Variants in INPP5A observed in about 807,000 individuals in gnomAD.
INPP5A encodes inositol polyphosphate-5-phosphatase A.
INPP5A carries 14 observed loss-of-function variants against 65.2 expected under a neutral mutation model. The observed-to-expected ratio is 0.21, with a 90% confidence interval of 0.14 to 0.34. The LOEUF is 0.34. Ranked by LOEUF, INPP5A falls within the 10% of genes least tolerant of loss-of-function variation. The pLI is 1.00. For synonymous variants in INPP5A, 207 were observed against 208.3 expected (o/e 0.99, Z 0.05); for missense variants, 431 against 545.6 (o/e 0.79, Z 2.09).
chr10:132,736,889 C>T (rs1846186216), intron 9 of INPP5A, among the ~76,000 whole-genome samples: 1 of 152,260 alleles, frequency 6.6e-6, no homozygotes, highest in South Asian at 2.1e-4. Flanking sequence ...GTTGTGACCT[C>T]ATCTGGTTAC....
rs2072713329 is a variant in INPP5A at position 132,659,924 on chromosome 10, CAT to C, written c.306+9420_306+9421del. Among the ~76,000 whole-genome samples, 3 of 152,384 alleles carry C rather than the reference CAT, an allele frequency of 2.0e-5. No homozygotes were observed. The highest frequency in any genetic ancestry group is 1.9e-4 in the East Asian group (1 of 5,190). On this transcript the variant is annotated intron_variant, in intron 4 of 15. Coordinates refer to ENST00000368594, the MANE Select transcript of INPP5A (RefSeq NM_005539.5). This position sits in a 1 kb window ranked among gnomAD's most constrained non-coding sequence, Gnocchi z 5.5. ...GCAGCCTGCAGCTCCTGACACATGA[CAT>C]GTGACATACAACACATGACACGCGG...
At chr10:132,723,602 T>TTGTGGGGATTGGCCG (rs1229456185) in intron 8 of INPP5A, among the ~76,000 whole-genome samples, 1 of 58,154 alleles carries the variant, frequency 1.7e-5, no homozygotes, top group Admixed American at 1.4e-4. Context: ...GGGATTGGTT[T>TTGTGGGGATTGGCCG]TGTGGGGATT....
chr10:132,577,768 G>T (rs1317590688), intron 1 of INPP5A, among the ~76,000 whole-genome samples: 1 of 152,214 alleles, frequency 6.6e-6, no homozygotes, highest in Non-Finnish European at 1.5e-5. Flanking sequence ...GCGGTGGTTC[G>T]TGGCCTCCTA....
chr10:132,594,367 T>C (rs2819710), intron 1 of INPP5A, among the ~76,000 whole-genome samples: 37,475 of 152,198 alleles, frequency 0.25, 5,465 homozygotes, highest in East Asian at 0.5. Context: ...TGTCCATCAC[T>C]GCGGAACGTA....
In INPP5A at chr10:132,546,072, C is replaced by A. The variant is rs969664862; in HGVS notation, c.75+7901C>A. Among the ~76,000 whole-genome samples, 1 of 152,194 alleles carries A rather than the reference C, an allele frequency of 6.6e-6. No individual in the cohort carries two copies. Among genetic ancestry groups the A allele is most frequent in the Non-Finnish European group, 1.5e-5 (1 of 68,018 alleles). On this transcript the variant is annotated intron_variant, in intron 1 of 15. Coordinates refer to ENST00000368594, the MANE Select transcript of INPP5A (RefSeq NM_005539.5). The surrounding 1 kb of genome is among the most constrained non-coding windows in gnomAD (Gnocchi z 5.7). ...GTTGTGTTGGGATGAGTGGCCGAGG[C>A]GTCTGGGGACGTCCTGGAGCCTGCA...
At chr10:132,781,757 T>C (rs1847165539) in intron 14 of INPP5A, 104 bp from the exon 15 acceptor site, 2 of 931,242 alleles carry the variant, frequency 2.1e-6, no homozygotes, top group South Asian at 2.7e-5. Context: ...GGTTCATGGC[T>C]GCCCTGGTGA....
chr10:132,770,754 C>T (rs888544264), intron 12 of INPP5A, among the ~76,000 whole-genome samples: 5 of 152,258 alleles, frequency 3.3e-5, no homozygotes, highest in African/African-American at 1.2e-4. Context: ...TACCCATGCA[C>T]GGGGAGGTCT....
chr10:132,769,130 G>A (rs1396167013), intron 12 of INPP5A, among the ~76,000 whole-genome samples: 1 of 152,240 alleles, frequency 6.6e-6, no homozygotes, highest in Admixed American at 6.5e-5. Flanking sequence ...GACCAGCGGG[G>A]TCTTCTCCTG....
In INPP5A at chr10:132,707,872, A is replaced by G. The variant is rs559313386; in HGVS notation, c.475-441A>G. ...GGTGGGGATCAGTGAGAGACCACACACACTGTTGGGGTGGGCAGGTCACCC... is the reference window on the plus strand; with the variant it reads ...GGTGGGGATCAGTGAGAGACCACACGCACTGTTGGGGTGGGCAGGTCACCC... On this transcript the variant is annotated intron_variant, in intron 6 of 15. Coordinates refer to ENST00000368594, the MANE Select transcript of INPP5A (RefSeq NM_005539.5). This position sits in a 1 kb window ranked among gnomAD's most constrained non-coding sequence, Gnocchi z 5.5. 6.6e-6 allele frequency among the ~76,000 whole-genome samples: 1 copy of G among 152,268 alleles called. No homozygotes were observed. The highest frequency in any genetic ancestry group is 2.4e-5 in the African/African-American group (1 of 41,552).
intron 1 of INPP5A, among the ~76,000 whole-genome samples, chr10:132,548,149 G>A (rs1340099980): frequency 1.3e-5 from 2 of 151,928 alleles, no homozygotes; most frequent in Non-Finnish European, 2.9e-5. Flanking sequence ...TGATCTGCCC[G>A]CATTATAGGT....
chr10:132,766,317 T>C (rs1221176856), intron 12 of INPP5A, among the ~76,000 whole-genome samples: 2 of 152,286 alleles, frequency 1.3e-5, no homozygotes, highest in Non-Finnish European at 2.9e-5. Flanking sequence ...AAAAAGGTTT[T>C]TTCCAATATG....
chr10:132,645,855 T>A lies in INPP5A; in HGVS notation c.118-13T>A. ...GCTCCGACGACCCTGACAGTGTGCT[T>A]CTCTCCCTCCAGGTCGTGCACACAC... On this transcript the variant is annotated splice_polypyrimidine_tract_variant and intron_variant, in intron 2 of 15. Coordinates refer to ENST00000368594, the MANE Select transcript of INPP5A (RefSeq NM_005539.5). 4 of 1,604,478 alleles carry A rather than the reference T, an allele frequency of 2.5e-6. No individual in the cohort carries two copies. The highest frequency in any genetic ancestry group is 3.4e-6 in the Non-Finnish European group (4 of 1,172,964).
At position 132,711,453 on chromosome 10, in the gene INPP5A, C is replaced by T. The variant is rs1199678129; in HGVS notation, c.647+997C>T. 2.0e-5 allele frequency among the ~76,000 whole-genome samples: 3 copies of T among 150,428 alleles called. No individual in the cohort carries two copies. In the Admixed American group the frequency reaches 2.0e-4, roughly 10 times the overall value. ...TCCCTGTGGTTGACAAGACAGTGCT[C>T]CGTCAGCTTGGGCTTGCAGCAGTGA... is the stretch of plus-strand genomic sequence containing the variant. On this transcript the variant is annotated intron_variant, in intron 8 of 15. Coordinates refer to ENST00000368594, the MANE Select transcript of INPP5A (RefSeq NM_005539.5).
intron 11 of INPP5A, among the ~76,000 whole-genome samples, chr10:132,759,880 TTGA>T (rs1194108045): frequency 6.6e-6 from 1 of 152,108 alleles, no homozygotes; most frequent in Non-Finnish European, 1.5e-5. Flanking sequence ...CACGTGCCCC[TTGA>T]TGCGCAGTCC....
intron 4 of INPP5A, among the ~76,000 whole-genome samples, chr10:132,666,793 G>T (rs1327765694): frequency 6.6e-6 from 1 of 152,230 alleles, no homozygotes; most frequent in Admixed American, 6.5e-5. Flanking sequence ...CCCCCAGCGT[G>T]TGCTGTGCAG....
In INPP5A at chr10:132,547,751, C is replaced by T. The variant is rs998250762; in HGVS notation, c.75+9580C>T. On this transcript the variant is annotated intron_variant, in intron 1 of 15. Transcript: ENST00000368594. This position sits in a 1 kb window ranked among gnomAD's most constrained non-coding sequence, Gnocchi z 5.5. Reference sequence around the variant, plus strand: ...TTTTCCTCCTTCACGGGACAGCCCGCGTGCCCCCAGCCCTGTGACGCGCTC... The same window carrying T: ...TTTTCCTCCTTCACGGGACAGCCCGTGTGCCCCCAGCCCTGTGACGCGCTC... Among the ~76,000 whole-genome samples the T allele has an allele frequency of 3.3e-5, 5 of 152,166 alleles. No homozygotes were observed. Among genetic ancestry groups the T allele is most frequent in the African/African-American group, 4.8e-5 (2 of 41,444 alleles).
chr10:132,689,563 C>T (rs1432568941), intron 4 of INPP5A, among the ~76,000 whole-genome samples: 2 of 152,220 alleles, frequency 1.3e-5, no homozygotes, highest in African/African-American at 4.8e-5. Context: ...GTAGAATATT[C>T]TGATCACCCC....
chr10:132,567,909 G>A (rs1699862294), intron 1 of INPP5A, among the ~76,000 whole-genome samples: 2 of 152,076 alleles, frequency 1.3e-5, no homozygotes, highest in Admixed American at 1.3e-4. Context: ...AATATTGGCT[G>A]AGGCCGGGCG....
At chr10:132,583,976 C>T (rs1438936566) in intron 1 of INPP5A, among the ~76,000 whole-genome samples, 1 of 152,150 alleles carries the variant, frequency 6.6e-6, no homozygotes, top group Non-Finnish European at 1.5e-5. Context: ...TCAGCTACTC[C>T]AGAGGCTGAG....
Sources: gnomAD v4.1 joint callset for allele counts (sites outside exome capture counted in the v4.1 genomes callset) on GRCh38, gnomAD v4.1.1 for gene constraint, Gnocchi (gnomAD v3.1) non-coding constraint, MANE v1.5 for transcripts, NCBI Gene and HGNC (gene_info 2026-07-23, HGNC 2026-07-21) for gene names.